Variants in CCDC18 observed in about 807,000 individuals in gnomAD.
The protein encoded by CCDC18 is coiled-coil domain containing 18.
In CCDC18, 157 loss-of-function variants were observed where a neutral mutation model predicts 196.0. That is an observed-to-expected ratio of 0.80 (90% CI 0.70 to 0.91). CCDC18 has a LOEUF of 0.91. Ranked by LOEUF, CCDC18 falls within the 40% of genes least tolerant of loss-of-function variation. The pLI is 0.00. For missense variants in CCDC18, 1,465 were observed against 1,611.6 expected (o/e 0.91, Z 1.56); for synonymous variants, 482 against 529.2 (o/e 0.91, Z 1.22).
At chr1:93,264,516 T>C in intron 26 of CCDC18, 185 bp from the exon 27 acceptor site, 1 of 457,652 alleles carries the variant, frequency 2.2e-6, no homozygotes, top group Non-Finnish European at 3.9e-6. Flanking sequence ...AAATTGAAGA[T>C]TATGGATTCC....
chr1:93,240,818 CAT>C (rs1421513215), intron 21 of CCDC18, among the ~76,000 whole-genome samples: 5 of 152,174 alleles, frequency 3.3e-5, no homozygotes, highest in African/African-American at 1.2e-4. Context: ...AAATAGGACT[CAT>C]ATTTTCTCAT....
chr1:93,274,725 T>C (rs1163864783), intron 28 of CCDC18, among the ~76,000 whole-genome samples: 1 of 152,102 alleles, frequency 6.6e-6, no homozygotes, highest in Non-Finnish European at 1.5e-5. Flanking sequence ...GGCGCACATC[T>C]GTAGTCCTAG....
At position 93,239,789 on chromosome 1, in the gene CCDC18, A is replaced by G. The variant is rs557081639; in HGVS notation, c.2874A>G (p.Leu958=). 6.2e-7 allele frequency: 1 copy of G among 1,613,530 alleles called. No individual in the cohort carries two copies. Among genetic ancestry groups the G allele is most frequent in the South Asian group, 1.1e-5 (1 of 91,066 alleles). Residue 958 remains leucine, a synonymous_variant, in exon 21 of 29, where the codon TTA becomes TTG. Transcript: ENST00000690025. ...ETELQNAHGE[L]KSTLRQLQEL... ...AACTACAAAATGCTCATGGAGAATT[A>G]AAAAGTACTTTAAGACAACTCCAGG...
chr1:93,205,621 G>C lies in CCDC18; in HGVS notation c.907G>C (p.Glu303Gln). 1 of 1,590,970 alleles carries C rather than the reference G, an allele frequency of 6.3e-7. No individual in the cohort carries two copies. Among genetic ancestry groups the C allele is most frequent in the Non-Finnish European group, 8.5e-7 (1 of 1,171,226 alleles). Residue 303 changes from glutamate to glutamine, a missense_variant, in exon 8 of 29, where the codon GAG (glutamate) becomes CAG (glutamine). Coordinates refer to ENST00000690025, the MANE Select transcript of CCDC18 (RefSeq NM_001378204.1). ...LYKSELEILK[E>Q]KLRQLKEENN... ...TAAAAGTGAACTTGAAATTCTGAAA[G>C]AGAAATTAAGGTACAGTATTCTGTT...
rs568574561 is a variant in CCDC18 at position 93,267,882 on chromosome 1, A to G, written c.3886-2465A>G. Reference sequence around the variant, plus strand: ...CTGCCCAAGGTAATTTATAGATTCAATGCCATCTCCATCAAGCTGCCAATT... The same window carrying G: ...CTGCCCAAGGTAATTTATAGATTCAGTGCCATCTCCATCAAGCTGCCAATT... On this transcript the variant is annotated intron_variant, in intron 27 of 28. Transcript: ENST00000690025. Among the ~76,000 whole-genome samples, 101 of 152,234 alleles carry G rather than the reference A, an allele frequency of 6.6e-4. 1 individual carries two copies. The highest frequency in any genetic ancestry group is 7.5e-4 in the African/African-American group (31 of 41,464).
At chr1:93,234,484 TTTTC>T (rs1439051645) in intron 18 of CCDC18, among the ~76,000 whole-genome samples, 12 of 152,228 alleles carry the variant, frequency 7.9e-5, no homozygotes, top group African/African-American at 2.4e-4. Flanking sequence ...TATTTGGTGA[TTTTC>T]TTTGTGATCT....
At chr1:93,198,028 G>T (rs574906555) in intron 6 of CCDC18, among the ~76,000 whole-genome samples, 1 of 151,918 alleles carries the variant, frequency 6.6e-6, no homozygotes, top group Non-Finnish European at 1.5e-5. Flanking sequence ...TGGGATTACA[G>T]GTGTGAGCCA....
At chr1:93,187,605 A>T (rs1650945926) in intron 4 of CCDC18, among the ~76,000 whole-genome samples, 1 of 152,128 alleles carries the variant, frequency 6.6e-6, no homozygotes, top group Non-Finnish European at 1.5e-5. Flanking sequence ...TTTTAAATAG[A>T]GGAGTTATGG....
intron 11 of CCDC18, 24 bp downstream of exon 11, chr1:93,212,285 T>C (rs753614404): frequency 7.1e-7 from 1 of 1,400,462 alleles, no homozygotes. Context: ...GTTATTTTAA[T>C]AAATTATATT....
Position 93,226,396 on chromosome 1 carries a change from T to C in CCDC18, c.2239T>C (p.Leu747=), listed in dbSNP as rs1277345737. 2.5e-6 allele frequency: 4 copies of C among 1,598,524 alleles called. No homozygotes were observed. The highest frequency in any genetic ancestry group is 2.7e-5 in the African/African-American group (2 of 73,194). The part of the protein sequence containing the change: ...KEELVLHLNQ[L]EGNKEKFEKQ... ...AGAACTTGTCTTGCATTTGAATCAA[T>C]TGGAAGGAAATAAGGAAAAGTTTGA... The change falls in exon 17 of 29, where the codon TTG becomes CTG. Residue 747 remains leucine, a synonymous_variant. Transcript: ENST00000690025.
At chr1:93,230,043 G>C (rs576841307) in intron 17 of CCDC18, among the ~76,000 whole-genome samples, 1 of 150,744 alleles carries the variant, frequency 6.6e-6, no homozygotes, top group South Asian at 2.1e-4. Flanking sequence ...TTCTGCTTTG[G>C]GTACATAGTG....
At chr1:93,200,349 A>G (rs560918275) in intron 6 of CCDC18, among the ~76,000 whole-genome samples, 177 of 151,288 alleles carry the variant, frequency 1.2e-3, no homozygotes, top group African/African-American at 4.1e-3. Context: ...AAAAAAAAAA[A>G]GCGAGAACAG....
At chr1:93,185,164 ATACC>A (rs940573428) in intron 3 of CCDC18, among the ~76,000 whole-genome samples, 1 of 151,982 alleles carries the variant, frequency 6.6e-6, no homozygotes, top group African/African-American at 2.4e-5. Flanking sequence ...AAGTGAAACT[ATACC>A]TAAGTACCTT....
Position 93,183,460 on chromosome 1 carries a change from A to C in CCDC18, c.99A>C (p.Glu33Asp). The change falls in exon 2 of 29, where the codon GAA (glutamate) becomes GAC (aspartate). Residue 33 changes from glutamate to aspartate, a missense_variant. Coordinates refer to ENST00000690025, the MANE Select transcript of CCDC18 (RefSeq NM_001378204.1). ...ASLRHELKIT[E>D]WSLQSLGEEL... Reference sequence around the variant, plus strand: ...TAAGACATGAACTGAAGATAACAGAATGGAGTTTGCAGAGTTTAGGGGAAG... The same window carrying C: ...TAAGACATGAACTGAAGATAACAGACTGGAGTTTGCAGAGTTTAGGGGAAG... 6.2e-7 allele frequency: 1 copy of C among 1,606,172 alleles called. No homozygotes were observed. The highest frequency in any genetic ancestry group is 1.1e-5 in the South Asian group (1 of 89,246).
At chr1:93,197,734 T>C (rs1652970843) in intron 6 of CCDC18, among the ~76,000 whole-genome samples, 1 of 139,684 alleles carries the variant, frequency 7.2e-6, no homozygotes, top group Non-Finnish European at 1.5e-5. Context: ...CTCCTGCATT[T>C]CTTTTCTTTT....
intron 28 of CCDC18, among the ~76,000 whole-genome samples, chr1:93,275,115 A>G (rs1225940875): frequency 6.6e-6 from 1 of 151,972 alleles, no homozygotes; most frequent in Non-Finnish European, 1.5e-5. Flanking sequence ...AAAGAGATGT[A>G]TTTTTATTTT....
chr1:93,194,466 G>T (rs138014765), intron 6 of CCDC18, among the ~76,000 whole-genome samples: 1 of 152,232 alleles, frequency 6.6e-6, no homozygotes, highest in East Asian at 1.9e-4. Context: ...TAGAAAATGC[G>T]TAGGTTTTGG....
intron 16 of CCDC18, among the ~76,000 whole-genome samples, chr1:93,224,855 A>G (rs1486284125): frequency 6.6e-6 from 1 of 152,228 alleles, no homozygotes; most frequent in Non-Finnish European, 1.5e-5. Context: ...CTCTGTGTGA[A>G]GGATGATACA....
rs1392357360 is a variant in CCDC18 at position 93,251,839 on chromosome 1, CTT to C, written c.3199-2629_3199-2628del. On this transcript the variant is annotated intron_variant, in intron 23 of 28. Coordinates refer to ENST00000690025, the MANE Select transcript of CCDC18 (RefSeq NM_001378204.1). The stretch of plus-strand genomic sequence containing the variant: ...TCTTTCCTCAGGTTTGGAAATTTTT[CTT>C]TTGTTTCTTTAAAAAAGCTTTCTAC... Among the ~76,000 whole-genome samples, 4 of 152,014 alleles carry C rather than the reference CTT, an allele frequency of 2.6e-5. No homozygotes were observed. In the East Asian group the frequency reaches 7.7e-4, roughly 29 times the overall value.
Sources: allele counts gnomAD v4.1 joint callset (sites outside exome capture counted in the v4.1 genomes callset), GRCh38; gene constraint gnomAD v4.1.1; transcripts MANE v1.5; gene names NCBI Gene and HGNC (gene_info 2026-07-23, HGNC 2026-07-21).